Variants in ZNF804B observed in about 807,000 individuals in gnomAD.
The protein encoded by ZNF804B is zinc finger 804B.
In ZNF804B, 80 loss-of-function variants were observed where a neutral mutation model predicts 101.4. The ratio of observed to expected loss-of-function variants is 0.79; its 90% CI spans 0.66 to 0.95. ZNF804B has a LOEUF of 0.95. ZNF804B is among the 40% of genes least tolerant of loss of function. The probability of loss-of-function intolerance (pLI) is 0.00; values close to 1 mark genes in which losing one functional copy is unlikely to be tolerated. For synonymous variants in ZNF804B, 622 were observed against 558.8 expected (o/e 1.11, Z -1.59); for missense variants, 1,673 against 1,561.9 (o/e 1.07, Z -1.20).
intron 1 of ZNF804B, among the ~76,000 whole-genome samples, chr7:88,856,536 A>G (rs902635969): frequency 2.6e-5 from 4 of 152,118 alleles, no homozygotes; most frequent in Non-Finnish European, 4.4e-5. Context: ...TAGATACACA[A>G]TCATGTCGTC....
intron 1 of ZNF804B, among the ~76,000 whole-genome samples, chr7:88,898,427 A>G (rs1195435219): frequency 6.6e-6 from 1 of 151,538 alleles, no homozygotes; most frequent in African/African-American, 2.4e-5. Flanking sequence ...CATTCTCTGC[A>G]TCTCGTCTTC....
intron 2 of ZNF804B, among the ~76,000 whole-genome samples, chr7:89,275,362 C>T (rs139156814): frequency 1.3e-5 from 2 of 152,106 alleles, no homozygotes; most frequent in East Asian, 3.9e-4. Context: ...CACTTTTAAT[C>T]TATTCCCAAA....
chr7:88,853,372 G>A (rs1378379969), intron 1 of ZNF804B, among the ~76,000 whole-genome samples: 2 of 152,084 alleles, frequency 1.3e-5, no homozygotes, highest in Admixed American at 6.6e-5. Flanking sequence ...TTAGTTTTGT[G>A]TTGAGGGTTT....
intron 1 of ZNF804B, among the ~76,000 whole-genome samples, chr7:89,110,078 T>C (rs1474269093): frequency 6.6e-6 from 1 of 151,868 alleles, no homozygotes; most frequent in African/African-American, 2.4e-5. Context: ...GATTCCAAAA[T>C]AGAATTGAGA....
chr7:89,145,829 A>G (rs1244997826), intron 1 of ZNF804B, among the ~76,000 whole-genome samples: 1 of 151,740 alleles, frequency 6.6e-6, no homozygotes, highest in African/African-American at 2.4e-5. Context: ...CTCTTTTTTC[A>G]TTTTTGGTTA....
chr7:89,103,058 T>TTTGTTTGTTTG (rs1554364834), intron 1 of ZNF804B, among the ~76,000 whole-genome samples: 26 of 120,500 alleles, frequency 2.2e-4, no homozygotes, highest in African/African-American at 9.4e-4. Context: ...GTTTTTTTTT[T>TTTGTTTGTTTG]TTTTTTTTTT....
At chr7:89,108,232 TTTTC>T (rs1159317653) in intron 1 of ZNF804B, among the ~76,000 whole-genome samples, 67 of 143,496 alleles carry the variant, frequency 4.7e-4, no homozygotes, top group Middle Eastern at 7.1e-3. Context: ...GCTTTTTTTT[TTTTC>T]TTTTCTTCCA....
chr7:89,041,734 G>C lies in ZNF804B; in HGVS notation c.109-176421G>C, dbSNP rs1789020596. 2.0e-5 allele frequency among the ~76,000 whole-genome samples: 3 copies of C among 152,102 alleles called. No homozygotes were observed. The South Asian group carries it at 6.2e-4, about 31-fold the overall frequency. ...ACTCTTTTCACACTGTGCTGTTCAG[G>C]CTTGTGGGAAGGGTTTCATGAATAA... On this transcript the variant is annotated intron_variant, in intron 1 of 3. Coordinates refer to ENST00000333190, the MANE Select transcript of ZNF804B (RefSeq NM_181646.5).
intron 1 of ZNF804B, among the ~76,000 whole-genome samples, chr7:88,879,103 G>A (rs1791995245): frequency 6.6e-6 from 1 of 152,166 alleles, no homozygotes; most frequent in Non-Finnish European, 1.5e-5. Flanking sequence ...GTTTGAAACA[G>A]GATTTAAGAT....
chr7:89,198,639 C>T (rs1788588722), intron 1 of ZNF804B, among the ~76,000 whole-genome samples: 2 of 151,802 alleles, frequency 1.3e-5, no homozygotes, highest in African/African-American at 4.8e-5. Context: ...ATTTATTGTT[C>T]ATCTTTGAGT....
At chr7:88,983,271 T>C (rs1363065418) in intron 1 of ZNF804B, among the ~76,000 whole-genome samples, 1 of 152,092 alleles carries the variant, frequency 6.6e-6, no homozygotes, top group Non-Finnish European at 1.5e-5. Flanking sequence ...TGTGTGCCCA[T>C]TAAAATTTGA....
chr7:89,103,048 G>GTTTTTTTTTTTTTTTTTTTTTT (rs56693128), intron 1 of ZNF804B, among the ~76,000 whole-genome samples: 1 of 33,726 alleles, frequency 3.0e-5, no homozygotes, highest in African/African-American at 1.1e-4. Context: ...CTATGTGTCT[G>GTTTTTTTTTTTTTTTTTTTTTT]TTTTTTTTTT....
intron 1 of ZNF804B, among the ~76,000 whole-genome samples, chr7:88,842,680 A>G (rs527299608): frequency 6.6e-6 from 1 of 152,300 alleles, no homozygotes; most frequent in South Asian, 2.1e-4. Context: ...ACAGCATGCA[A>G]TTTTCCTTAG....
intron 2 of ZNF804B, among the ~76,000 whole-genome samples, chr7:89,271,143 C>G (rs2115838765): frequency 6.6e-6 from 1 of 152,196 alleles, no homozygotes; most frequent in Non-Finnish European, 1.5e-5. Context: ...CTGTCTTGTG[C>G]CAGTTTTCAA....
At chr7:88,831,621 AT>A in intron 1 of ZNF804B, among the ~76,000 whole-genome samples, 1 of 152,030 alleles carries the variant, frequency 6.6e-6, no homozygotes, top group South Asian at 2.1e-4. Context: ...TTGAGAATGG[AT>A]AATTCTTGAA....
chr7:89,194,654 C>T (rs1441009079), intron 1 of ZNF804B, among the ~76,000 whole-genome samples: 19 of 149,584 alleles, frequency 1.3e-4, no homozygotes, highest in Admixed American at 4.7e-4. Context: ...AGGGCTCTGT[C>T]CTGTTCCATT....
chr7:88,826,702 G>A (rs1273251776), intron 1 of ZNF804B, among the ~76,000 whole-genome samples: 1 of 152,000 alleles, frequency 6.6e-6, no homozygotes, highest in Non-Finnish European at 1.5e-5. Flanking sequence ...AGTTCATAGT[G>A]TAGAAAGACT....
At chr7:88,968,645 A>G (rs1178277891) in intron 1 of ZNF804B, among the ~76,000 whole-genome samples, 1 of 151,656 alleles carries the variant, frequency 6.6e-6, no homozygotes, top group Middle Eastern at 3.2e-3. Context: ...CAATGCAGTT[A>G]TGGAAGAATA....
chr7:88,774,767 G>A (rs1790118299), intron 1 of ZNF804B, among the ~76,000 whole-genome samples: 1 of 152,146 alleles, frequency 6.6e-6, no homozygotes, highest in Non-Finnish European at 1.5e-5. Flanking sequence ...GCTTTGATGG[G>A]GTAGGTTTAG....
Sources: allele counts gnomAD v4.1 joint callset (sites outside exome capture counted in the v4.1 genomes callset), GRCh38; gene constraint gnomAD v4.1.1; transcripts MANE v1.5; gene names NCBI Gene and HGNC (gene_info 2026-07-23, HGNC 2026-07-21).